RNF149: variants seen among roughly 807,000 people sequenced by gnomAD.
RNF149 encodes ring finger protein 149.
RNF149 carries 21 observed loss-of-function variants against 39.0 expected under a neutral mutation model. The observed-to-expected ratio is 0.54, with a 90% confidence interval of 0.38 to 0.77. RNF149 has a LOEUF of 0.77. Among genes scored for constraint, RNF149 ranks in the 30% least tolerant of loss-of-function variants. The pLI, the probability that RNF149 is intolerant of heterozygous loss-of-function variation, is 0.00. For missense variants in RNF149, 493 were observed against 534.9 expected (o/e 0.92, Z 0.77); for synonymous variants, 209 against 213.6 (o/e 0.98, Z 0.19).
In RNF149 at chr2:101,282,067, TAG is replaced by T; in HGVS notation, c.961-12_961-11del. On this transcript the variant is annotated splice_polypyrimidine_tract_variant and intron_variant, in intron 5 of 6. Transcript: ENST00000295317. ...CATCCCCAGGCTCTCCCTTGAGAAT[TAG>T]AACAGAAGAAAAAACATGATCAAAG... 6.2e-6 allele frequency: 10 copies of T among 1,613,574 alleles called. No homozygotes were observed. Among genetic ancestry groups the T allele is most frequent in the Non-Finnish European group, 5.9e-6 (7 of 1,179,800 alleles).
chr2:101,282,842 T>A (rs774690134), intron 5 of RNF149, among the ~76,000 whole-genome samples: 2 of 151,994 alleles, frequency 1.3e-5, no homozygotes, highest in African/African-American at 2.4e-5. Flanking sequence ...TCCACTGGGC[T>A]GTGCCCCCCA....
At chr2:101,291,191 G>A (rs1039756661) in intron 3 of RNF149, among the ~76,000 whole-genome samples, 2 of 150,842 alleles carry the variant, frequency 1.3e-5, no homozygotes, top group Non-Finnish European at 3.0e-5. Flanking sequence ...TCGCTCTGTC[G>A]CCAGGCTGGA....
At chr2:101,285,970 A>T (rs1682777346) in intron 5 of RNF149, 111 bp downstream of exon 5, 3 of 627,546 alleles carry the variant, frequency 4.8e-6, no homozygotes, top group Non-Finnish European at 8.6e-6. Flanking sequence ...AGAGAACTAC[A>T]AGGATATTAG....
At position 101,277,178 on chromosome 2, in the gene RNF149, A is replaced by C; in HGVS notation, c.*60T>G. The C allele has an allele frequency of 6.3e-7, 1 of 1,594,362 alleles. No individual in the cohort carries two copies. The highest frequency in any genetic ancestry group is 1.1e-5 in the South Asian group (1 of 88,638). On this transcript the variant is annotated 3_prime_UTR_variant, in exon 7 of 7. Coordinates refer to ENST00000295317, the MANE Select transcript of RNF149 (RefSeq NM_173647.4). The stretch of plus-strand genomic sequence containing the variant: ...CAAATTATGTGCTAAAGTAAAAAAA[A>C]TAAAATGTCCTTTAGTTCAAGCCAA...
At chr2:101,297,433 T>G (rs1057471462) in intron 1 of RNF149, among the ~76,000 whole-genome samples, 4 of 152,132 alleles carry the variant, frequency 2.6e-5, no homozygotes, top group African/African-American at 7.2e-5. Context: ...CCTAGCTCAA[T>G]GAAGCCTCAA....
At chr2:101,303,516 T>C (rs180830296) in intron 1 of RNF149, among the ~76,000 whole-genome samples, 172 of 152,272 alleles carry the variant, frequency 1.1e-3, no homozygotes, top group Middle Eastern at 3.4e-3. Flanking sequence ...TATCCATTCA[T>C]AAAAGACTAT....
intron 3 of RNF149, among the ~76,000 whole-genome samples, 160 bp from the exon 4 acceptor site, chr2:101,289,215 T>C (rs907470374): frequency 1.3e-5 from 2 of 152,164 alleles, no homozygotes; most frequent in African/African-American, 4.8e-5. Flanking sequence ...TTACCACTAT[T>C]AGAGGATTAT....
chr2:101,276,376 T>A lies in RNF149; in HGVS notation c.*862A>T. 1.0e-6 allele frequency: 1 copy of A among 985,844 alleles called. No individual in the cohort carries two copies. The allele number at this position is 985,844 out of a possible 1,614,324, so 61.1% of individuals were successfully genotyped here. ...GGTATTAAATCTGCTTAAACTCTAA[T>A]CAAGAAAACTGGTTATTTCGAGTCA... On this transcript the variant is annotated 3_prime_UTR_variant, in exon 7 of 7. Coordinates refer to ENST00000295317, the MANE Select transcript of RNF149 (RefSeq NM_173647.4).
Position 101,294,961 on chromosome 2 carries a change from G to T in RNF149, c.681C>A (p.Phe227Leu). Residue 227 changes from phenylalanine to leucine, a missense_variant, in exon 2 of 7, where the codon TTC (phenylalanine) becomes TTA (leucine). Physicochemically the swap from Phe to Leu is conservative, Grantham distance 22. Coordinates refer to ENST00000295317, the MANE Select transcript of RNF149 (RefSeq NM_173647.4). ...AWLIFYYIQR[F>L]LYTGSQIGSQ... is the part of the protein sequence containing the mutation. ...TTCCAATCTGAGAGCCAGTATATAG[G>T]AAACGCTGTATATAGTAAAATATTA... The T allele has an allele frequency of 6.2e-7, 1 of 1,613,724 alleles. No homozygotes were observed. The highest frequency in any genetic ancestry group is 8.5e-7 in the Non-Finnish European group (1 of 1,179,722).
Position 101,294,922 on chromosome 2 carries a change from C to T in RNF149, c.711+9G>A, listed in dbSNP as rs756950639. ...TTAAAAAGCAAAATTCAGAGTTATC[C>T]ATCATTACCTGACTTCCAATCTGAG... On this transcript the variant is annotated intron_variant, in intron 2 of 6. Transcript: ENST00000295317. 2.7e-5 allele frequency: 43 copies of T among 1,596,244 alleles called. No homozygotes were observed. The highest frequency in any genetic ancestry group is 2.2e-4 in the Admixed American group (13 of 58,706).
At chr2:101,278,124 T>C (rs538124386) in intron 6 of RNF149, among the ~76,000 whole-genome samples, 1 of 152,304 alleles carries the variant, frequency 6.6e-6, no homozygotes, top group South Asian at 2.1e-4. Context: ...CATTACTTTT[T>C]ATTTTGCCAA....
chr2:101,276,793 A>C lies in RNF149; in HGVS notation c.*445T>G, dbSNP rs529805336. 134 of 989,268 alleles carry C rather than the reference A, an allele frequency of 1.4e-4. No homozygotes were observed. In the African/African-American group the frequency reaches 1.7e-3, roughly 12 times the overall value. 61.3% of individuals were successfully genotyped at this position (989,268 alleles called of 1,614,324 possible). On this transcript the variant is annotated 3_prime_UTR_variant, in exon 7 of 7. Coordinates refer to ENST00000295317, the MANE Select transcript of RNF149 (RefSeq NM_173647.4). ...TCTTAAAAAAAAAACAACAAAAAAA[A>C]CCTTTCCTCCAGGGAAAGCCCATGA... is the stretch of plus-strand genomic sequence containing the variant.
intron 5 of RNF149, among the ~76,000 whole-genome samples, chr2:101,282,400 C>T (rs909105473): frequency 6.6e-6 from 1 of 152,054 alleles, no homozygotes; most frequent in African/African-American, 2.4e-5. Flanking sequence ...CTCTGATTAC[C>T]GCCCTGTGCT....
intron 4 of RNF149, 169 bp from the exon 5 acceptor site, chr2:101,286,346 A>T (rs1200959562): frequency 2.2e-6 from 1 of 460,150 alleles, no homozygotes; most frequent in African/African-American, 2.0e-5. Flanking sequence ...CATATGAAAC[A>T]GAATCTGGCA....
In RNF149 at chr2:101,276,212, A is replaced by G; in HGVS notation, c.*1026T>C. 2 of 983,984 alleles carry G rather than the reference A, an allele frequency of 2.0e-6. No homozygotes were observed. Among genetic ancestry groups the G allele is most frequent in the South Asian group, 4.7e-5 (1 of 21,284 alleles). 61.0% of individuals were successfully genotyped at this position (983,984 alleles called of 1,614,324 possible). A position where few individuals can be genotyped will look rare whatever the true frequency, so the allele number is the denominator to read the frequency against. ...GCCTCATACTCGACTTCTACCTCCA[A>G]GAAGTGAAAAAATAGCAGAGTGTGT... On this transcript the variant is annotated 3_prime_UTR_variant, in exon 7 of 7. Transcript: ENST00000295317.
chr2:101,308,539 G>A lies in RNF149; in HGVS notation c.50C>T (p.Ala17Val). Reference protein sequence around the residue: ...EASVGARGVLALALLALALCV... With the variant: ...EASVGARGVLVLALLALALCV... ...CAGGGCCAGGGCGAGCAACGCCAGA[G>A]CCAACACGCCGCGAGCCCCGACGCT... The change falls in exon 1 of 7, where the codon GCT becomes GTT. Residue 17 changes from alanine (A) to valine (V), a missense_variant. Transcript: ENST00000295317. 1 of 1,596,330 alleles carries A rather than the reference G, an allele frequency of 6.3e-7. No individual in the cohort carries two copies. Among genetic ancestry groups the A allele is most frequent in the Non-Finnish European group, 8.5e-7 (1 of 1,174,350 alleles).
intron 5 of RNF149, among the ~76,000 whole-genome samples, chr2:101,285,546 T>C (rs1366798023): frequency 1.3e-5 from 2 of 152,198 alleles, no homozygotes; most frequent in Non-Finnish European, 2.9e-5. Context: ...TAGCTACTAC[T>C]ATGATTTCCT....
chr2:101,285,094 C>T (rs1424462095), intron 5 of RNF149, among the ~76,000 whole-genome samples: 3 of 152,014 alleles, frequency 2.0e-5, no homozygotes, highest in East Asian at 3.9e-4. Flanking sequence ...GACAGGGTTT[C>T]ACCATGTTGG....
rs1309614200 is a variant in RNF149, at chr2:101,281,920, T to C, written c.1098A>G (p.Glu366=). The change falls in exon 6 of 7, where the codon GAA becomes GAG. Residue 366 remains glutamate, a synonymous_variant. Coordinates refer to ENST00000295317, the MANE Select transcript of RNF149 (RefSeq NM_173647.4). ...AGCTGGGATCACACTGTGGCTCAGA[T>C]TCAGCAGGGGAGGCTGATGGTGGAC... The part of the protein sequence containing the change: ...DSSPPSASPA[E]SEPQCDPSFK... 1.2e-6 allele frequency: 2 copies of C among 1,614,044 alleles called. No homozygotes were observed. The highest frequency in any genetic ancestry group is 1.7e-6 in the Non-Finnish European group (2 of 1,179,972).
Sources: gnomAD v4.1 joint callset for allele counts (sites outside exome capture counted in the v4.1 genomes callset) on GRCh38, gnomAD v4.1.1 for gene constraint, MANE v1.5 for transcripts, NCBI Gene and HGNC (gene_info 2026-07-23, HGNC 2026-07-21) for gene names.